Variants in RPE65 observed in about 807,000 individuals in gnomAD.
RPE65 encodes the protein retinoid isomerohydrolase RPE65, also known as retinoid isomerohydrolase.
In RPE65, 58 loss-of-function variants were observed where a neutral mutation model predicts 68.5. The ratio of observed to expected loss-of-function variants is 0.85; its 90% CI spans 0.69 to 1.05. RPE65 has a LOEUF of 1.05. RPE65 is among the 50% of genes least tolerant of loss of function. RPE65 has a pLI of 0.00. For missense variants in RPE65, 643 were observed against 629.9 expected (o/e 1.02, Z -0.22); for synonymous variants, 220 against 222.2 (o/e 0.99, Z 0.09).
intron 10 of RPE65, 24 bp from the exon 11 acceptor site, chr1:68,431,609 C>T (rs1645827092): frequency 1.3e-6 from 2 of 1,587,284 alleles, no homozygotes; most frequent in South Asian, 1.1e-5. Context: ...TAACAGAAAC[C>T]TCAGTGAGCA....
At chr1:68,435,608 T>A (rs1645857292) in intron 10 of RPE65, among the ~76,000 whole-genome samples, 1 of 152,224 alleles carries the variant, frequency 6.6e-6, no homozygotes, top group Non-Finnish European at 1.5e-5. Context: ...CCAATTATAA[T>A]AGCCAATTCT....
rs571671910 is a variant in RPE65, at chr1:68,446,445, G to A, written c.245+265C>T. 1.2e-3 allele frequency among the ~76,000 whole-genome samples: 177 copies of A among 152,184 alleles called. 1 individual carries two copies. Among genetic ancestry groups the A allele is most frequent in the African/African-American group, 4.1e-3 (170 of 41,526 alleles). ...AATTGGAGGTCAACATCTTGCCAAG[G>A]TTACCCTCCTAGGCAAGTCATGTCT... On this transcript the variant is annotated intron_variant, in intron 3 of 13. Coordinates refer to ENST00000262340, the MANE Select transcript of RPE65 (RefSeq NM_000329.3).
intron 5 of RPE65, among the ~76,000 whole-genome samples, chr1:68,443,467 C>T (rs1450951726): frequency 1.3e-5 from 2 of 152,184 alleles, no homozygotes; most frequent in African/African-American, 2.4e-5. Context: ...GGAGATTATT[C>T]TCCAGTTTTC....
At chr1:68,441,442 A>T (rs1355845458) in intron 5 of RPE65, among the ~76,000 whole-genome samples, 2 of 152,096 alleles carry the variant, frequency 1.3e-5, no homozygotes. Context: ...TGTCTTGCAC[A>T]TGGTACTGTA....
At chr1:68,431,746 A>G (rs772537656) in intron 10 of RPE65, among the ~76,000 whole-genome samples, 161 bp from the exon 11 acceptor site, 4 of 152,044 alleles carry the variant, frequency 2.6e-5, no homozygotes, top group Non-Finnish European at 4.4e-5. Flanking sequence ...GCGACTGGGC[A>G]AGCTATCTGT....
Position 68,445,306 on chromosome 1 carries a change from G to A in RPE65, c.246-423C>T, listed in dbSNP as rs758803329. On this transcript the variant is annotated intron_variant, in intron 3 of 13. Transcript: ENST00000262340. ...GGGAAAATTCCGGACATGGTGTGCTGAATTATATTCTTCTCAATCTCCCTC... is the reference window on the plus strand; with the variant it reads ...GGGAAAATTCCGGACATGGTGTGCTAAATTATATTCTTCTCAATCTCCCTC... Among the ~76,000 whole-genome samples the A allele has an allele frequency of 3.5e-4, 53 of 152,092 alleles. No individual in the cohort carries two copies. In the Middle Eastern group the frequency reaches 0.01, roughly 29 times the overall value.
At chr1:68,433,563 C>T (rs542637860) in intron 10 of RPE65, among the ~76,000 whole-genome samples, 1 of 152,176 alleles carries the variant, frequency 6.6e-6, no homozygotes, top group African/African-American at 2.4e-5. Flanking sequence ...CCATCAGCTG[C>T]ATCTGAGTGT....
intron 5 of RPE65, among the ~76,000 whole-genome samples, chr1:68,442,954 A>AT (rs1299496359): frequency 2.0e-5 from 3 of 151,874 alleles, no homozygotes; most frequent in Non-Finnish European, 4.4e-5. Context: ...TTTTCTTCTT[A>AT]TTTTTACCAG....
intron 10 of RPE65, among the ~76,000 whole-genome samples, chr1:68,436,444 C>CTTTT (rs1343113648): frequency 6.8e-5 from 10 of 147,578 alleles, no homozygotes; most frequent in Non-Finnish European, 1.2e-4. Context: ...CCTGTTACTT[C>CTTTT]TATTTATTTA....
chr1:68,445,853 C>T (rs1465940033), intron 3 of RPE65, among the ~76,000 whole-genome samples: 1 of 151,808 alleles, frequency 6.6e-6, no homozygotes, highest in Non-Finnish European at 1.5e-5. Context: ...CCTGCTCTGT[C>T]GAAGGTATAG....
At chr1:68,438,889 G>T (rs542035752) in intron 9 of RPE65, 53 bp downstream of exon 9, 1 of 1,611,308 alleles carries the variant, frequency 6.2e-7, no homozygotes. Flanking sequence ...TAAAAACCCC[G>T]TAATTTCCAG....
At position 68,429,040 on chromosome 1, in the gene RPE65, AT is replaced by A. The variant is rs577675068; in HGVS notation, c.*735del. ...TTTAGTAAATATTACATTTTTAAGC[AT>A]TTTATGCTGTTTTTTTAAATATAGT... On this transcript the variant is annotated 3_prime_UTR_variant, in exon 14 of 14. Coordinates refer to ENST00000262340, the MANE Select transcript of RPE65 (RefSeq NM_000329.3). 14 of 120,490 alleles carry A rather than the reference AT, an allele frequency of 1.2e-4. 1 individual carries two copies. In the East Asian group the frequency reaches 6.7e-3, roughly 57 times the overall value. 7.5% of individuals were successfully genotyped at this position (120,490 alleles called of 1,614,324 possible).
In RPE65 at chr1:68,438,182, G is replaced by C. The variant is rs1166920485; in HGVS notation, c.1128+5C>G. On this transcript the variant is annotated splice_donor_5th_base_variant and intron_variant, in intron 10 of 13. Transcript: ENST00000262340. ...AAATCTGAAATCTACAGAGAAGCAG[G>C]TTACCTTGTCAATATTCAAAGGAAG... The C allele has an allele frequency of 6.2e-7, 1 of 1,613,784 alleles. No homozygotes were observed. The highest frequency in any genetic ancestry group is 8.5e-7 in the Non-Finnish European group (1 of 1,179,842).
At position 68,438,276 on chromosome 1, in the gene RPE65, G is replaced by A. The variant is rs936592713; in HGVS notation, c.1039C>T (p.Arg347Cys). The A allele has an allele frequency of 3.7e-6, 6 of 1,613,518 alleles. No homozygotes were observed. Among genetic ancestry groups the A allele is most frequent in the Admixed American group, 1.7e-5 (1 of 59,984 alleles). ...TTTTTCACCTCTTCCCAGTTCTCAC[G>A]TAAATTGGCTAAATATAAGTAATTA... Reference protein sequence around the residue: ...VYNYLYLANLRENWEEVKKNA... With the variant: ...VYNYLYLANLCENWEEVKKNA... Residue 347 changes from arginine (R) to cysteine (C), a missense_variant, in exon 10 of 14, where the codon CGT becomes TGT. Physicochemically the swap from Arg to Cys is radical, Grantham distance 180 (BLOSUM62 -3). Transcript: ENST00000262340.
Position 68,431,117 on chromosome 1 carries a change from G to T in RPE65, c.1398C>A (p.Tyr466Ter). The change falls in exon 13 of 14, where the codon TAC becomes TAA. Residue 466 changes from tyrosine to a stop codon, truncating the protein, a stop_gained. Coordinates refer to ENST00000262340, the MANE Select transcript of RPE65 (RefSeq NM_000329.3). LOFTEE classifies it high-confidence loss of function. ...ETWVWQEPDS[Y>*]PSEPIFVSHP... is the part of the protein sequence containing the mutation. ...GAGAAACAAAGATGGGTTCTGATGGGTATGAATCAGGCTCTTGCCAAACCC... is the reference window on the plus strand; with the variant it reads ...GAGAAACAAAGATGGGTTCTGATGGTTATGAATCAGGCTCTTGCCAAACCC... The T allele has an allele frequency of 6.2e-7, 1 of 1,613,798 alleles. No homozygotes were observed. The highest frequency in any genetic ancestry group is 8.5e-7 in the Non-Finnish European group (1 of 1,179,820).
rs121918844 is a variant in RPE65, at chr1:68,444,664, GA to G, written c.361del (p.Ser121LeufsTer6). The G allele has an allele frequency of 1.9e-6, 3 of 1,613,768 alleles. No individual in the cohort carries two copies. In the South Asian group the frequency reaches 3.3e-5, roughly 18 times the overall value. Reference sequence around the variant, plus strand: ...AGTAACCTCTACTCCTCGAAAGTAAGAAAAAAACCTGTAGAAACAAATGAAT... The same window carrying G: ...AGTAACCTCTACTCCTCGAAAGTAAGAAAAAACCTGTAGAAACAAATGAAT... ...PCKNIFSRFF[S>X]YFRGVEVTDN... On this transcript the variant is annotated frameshift_variant, in exon 5 of 14. Coordinates refer to ENST00000262340, the MANE Select transcript of RPE65 (RefSeq NM_000329.3). LOFTEE classifies it high-confidence loss of function.
In RPE65 at chr1:68,429,799, G is replaced by A. The variant is rs779073856; in HGVS notation, c.1579C>T (p.His527Tyr). The A allele has an allele frequency of 6.2e-7, 1 of 1,613,700 alleles. No homozygotes were observed. The highest frequency in any genetic ancestry group is 8.5e-7 in the Non-Finnish European group (1 of 1,179,738). Residue 527 changes from histidine to tyrosine, a missense_variant, in exon 14 of 14, where the codon CAT becomes TAT. Physicochemically the swap from His to Tyr is moderately conservative, Grantham distance 83. Coordinates refer to ENST00000262340, the MANE Select transcript of RPE65 (RefSeq NM_000329.3). ...GCTCAAGATTTTTTGAACAGTCCAT[G>A]AAAGGTGACAGGGATGTTAATCTCC... is the stretch of plus-strand genomic sequence containing the variant. The part of the protein sequence containing the change: ...EVEINIPVTF[H>Y]GLFKKS
intron 10 of RPE65, among the ~76,000 whole-genome samples, chr1:68,434,115 T>TACAC (rs1226973278): frequency 2.7e-4 from 27 of 99,514 alleles, no homozygotes; most frequent in African/African-American, 5.9e-4. Context: ...TATATATATA[T>TACAC]ACACACACAC....
Position 68,431,592 on chromosome 1 carries a change from G to T in RPE65, c.1129-7C>A. 6.2e-7 allele frequency: 1 copy of T among 1,610,460 alleles called. No individual in the cohort carries two copies. The highest frequency in any genetic ancestry group is 8.5e-7 in the Non-Finnish European group (1 of 1,176,908). On this transcript the variant is annotated splice_polypyrimidine_tract_variant and splice_region_variant and intron_variant, in intron 10 of 13. Transcript: ENST00000262340. Reference sequence around the variant, plus strand: ...AATTCTTGCCTGTGTCAGCCTAGGAGAGAAGATAACAGAAACCTCAGTGAG... The same window carrying T: ...AATTCTTGCCTGTGTCAGCCTAGGATAGAAGATAACAGAAACCTCAGTGAG...
Sources: allele counts gnomAD v4.1 joint callset (sites outside exome capture counted in the v4.1 genomes callset), GRCh38; gene constraint gnomAD v4.1.1; transcripts MANE v1.5; gene names NCBI Gene and HGNC (gene_info 2026-07-23, HGNC 2026-07-21).